The following THOC5 variants were observed in gnomAD, a reference collection of about 807,000 sequenced individuals.
The protein encoded by THOC5 is Fms-interacting protein.
THOC5 carries 43 observed loss-of-function variants against 92.9 expected under a neutral mutation model. The observed-to-expected ratio is 0.46, with a 90% CI of 0.36 to 0.60. The LOEUF (loss-of-function observed/expected upper bound fraction) is 0.60, where lower values mean the gene tolerates loss of function less well. Among genes scored for constraint, THOC5 ranks in the 20% least tolerant of loss-of-function variants. The pLI, the probability that THOC5 is intolerant of heterozygous loss-of-function variation, is 0.00. For missense variants in THOC5, 659 were observed against 849.4 expected, an observed-to-expected ratio of 0.78 and a Z score of 2.79; for synonymous variants, 296 against 320.1, an observed-to-expected ratio of 0.92 and a Z score of 0.80.
intron 14 of THOC5, among the ~76,000 whole-genome samples, chr22:29,519,413 T>A (rs2063395646): frequency 6.6e-6 from 1 of 152,230 alleles, no homozygotes; most frequent in Admixed American, 6.5e-5. Context: ...TATTTGGTAC[T>A]TGCACACAAG....
intron 19 of THOC5, among the ~76,000 whole-genome samples, chr22:29,510,051 T>C (rs1186096903): frequency 6.6e-6 from 1 of 152,246 alleles, no homozygotes. Context: ...AAGGGATGCC[T>C]GAGCAGTGAA....
intron 1 of THOC5, chr22:29,553,344 A>G (rs902523503): frequency 6.5e-6 from 1 of 152,958 alleles, no homozygotes; most frequent in African/African-American, 2.4e-5. Context: ...AGTGTGGGAA[A>G]TCCTGACTTT....
At chr22:29,533,252 T>C (rs1044466320) in intron 7 of THOC5, among the ~76,000 whole-genome samples, 2 of 152,160 alleles carry the variant, frequency 1.3e-5, no homozygotes, top group Non-Finnish European at 2.9e-5. Flanking sequence ...AAGAAATAGG[T>C]TGGAACTGTG....
chr22:29,513,834 T>C (rs1026361351), intron 17 of THOC5: 4 of 152,078 alleles, frequency 2.6e-5, no homozygotes, highest in Admixed American at 2.6e-4. Context: ...CTCATCCCTA[T>C]AAAGAATTAA....
intron 3 of THOC5, among the ~76,000 whole-genome samples, chr22:29,544,036 T>C (rs1213280096): frequency 1.3e-5 from 2 of 152,126 alleles, no homozygotes; most frequent in Non-Finnish European, 2.9e-5. Flanking sequence ...CTATCGAGTT[T>C]TTAGTCACAT....
In THOC5 at chr22:29,542,970, A is replaced by G; in HGVS notation, c.355-14T>C. 1 of 1,601,352 alleles carries G rather than the reference A, an allele frequency of 6.2e-7. No individual in the cohort carries two copies. The highest frequency in any genetic ancestry group is 8.5e-7 in the Non-Finnish European group (1 of 1,170,902). On this transcript the variant is annotated splice_polypyrimidine_tract_variant and intron_variant, in intron 4 of 19. Coordinates refer to ENST00000490103, the MANE Select transcript of THOC5 (RefSeq NM_003678.5). ...TTTCTGCTTAGCCTGAAAGGAAAAT[A>G]CGATCAGAAGTGAGCAGGGCAAGTC...
chr22:29,527,422 A>AAAAC (rs377088283), intron 11 of THOC5, among the ~76,000 whole-genome samples: 4,484 of 152,190 alleles, frequency 0.029, 196 homozygotes, highest in African/African-American at 0.1. Flanking sequence ...CCTATCTCTA[A>AAAAC]AAACAAACAA....
At chr22:29,530,386 G>A (rs2063628635) in intron 8 of THOC5, among the ~76,000 whole-genome samples, 1 of 151,910 alleles carries the variant, frequency 6.6e-6, no homozygotes, top group Admixed American at 6.6e-5. Context: ...AGGCACGGTG[G>A]TGGGTGCCTG....
At chr22:29,544,705 C>A (rs1022086214) in intron 2 of THOC5, 102 bp from the exon 3 acceptor site, 1 of 1,216,960 alleles carries the variant, frequency 8.2e-7, no homozygotes, top group Middle Eastern at 2.1e-4. Context: ...AAAACAGTAA[C>A]AATGAAGCCT....
intron 12 of THOC5, among the ~76,000 whole-genome samples, chr22:29,523,212 G>A (rs5763295): frequency 0.46 from 68,773 of 150,456 alleles, 16,077 homozygotes; most frequent in East Asian, 0.75. Flanking sequence ...ACTGCACTCC[G>A]GCCTGGGCGA....
intron 19 of THOC5, among the ~76,000 whole-genome samples, chr22:29,508,937 A>C (rs1170589743): frequency 6.6e-6 from 1 of 152,086 alleles, no homozygotes; most frequent in East Asian, 1.9e-4. Context: ...CTGGGATTAC[A>C]GGCATGCACC....
chr22:29,513,152 C>A (rs928923162), intron 17 of THOC5, among the ~76,000 whole-genome samples: 3 of 149,258 alleles, frequency 2.0e-5, no homozygotes, highest in African/African-American at 7.4e-5. Flanking sequence ...AGATCGAGAC[C>A]ATCCTGGCTA....
intron 5 of THOC5, among the ~76,000 whole-genome samples, chr22:29,540,867 A>G (rs538818668): frequency 3.9e-5 from 6 of 152,288 alleles, no homozygotes; most frequent in Non-Finnish European, 5.9e-5. Context: ...ACCTCTATTC[A>G]TATTTAACTA....
chr22:29,511,828 A>T (rs2063229696), intron 18 of THOC5, among the ~76,000 whole-genome samples, 193 bp downstream of exon 18: 1 of 152,244 alleles, frequency 6.6e-6, no homozygotes, highest in Non-Finnish European at 1.5e-5. Context: ...GTGGACCCCA[A>T]GGTAGGCAAG....
At chr22:29,542,003 G>C (rs979769887) in intron 5 of THOC5, among the ~76,000 whole-genome samples, 4 of 147,098 alleles carry the variant, frequency 2.7e-5, no homozygotes, top group African/African-American at 7.6e-5. Flanking sequence ...TGCATAAACA[G>C]GTCTGATCAA....
intron 2 of THOC5, among the ~76,000 whole-genome samples, chr22:29,546,614 A>C (rs1328785932): frequency 6.6e-6 from 1 of 150,912 alleles, no homozygotes; most frequent in African/African-American, 2.4e-5. Context: ...TAATTTCTGT[A>C]TTTTTAGTAG....
chr22:29,531,275 T>G, intron 8 of THOC5: 1 of 984,994 alleles, frequency 1.0e-6, no homozygotes. Flanking sequence ...GGGGAGAAAA[T>G]GTAGGTGCTG....
At chr22:29,531,558 A>G in intron 8 of THOC5, 15 of 1,170,768 alleles carry the variant, frequency 1.3e-5, no homozygotes, top group Non-Finnish European at 1.6e-5. Flanking sequence ...GAGCCCAGAC[A>G]GGCTGCCTGG....
In THOC5 at chr22:29,553,235, A is replaced by G. The variant is rs577204390; in HGVS notation, c.-12+436T>C. ...CGAGAAACACCCAAGAATTATCAAT[A>G]AATACTAAAACAAACAAACAAACAA... On this transcript the variant is annotated intron_variant, in intron 1 of 19. Transcript: ENST00000490103. Among the ~76,000 whole-genome samples, 4 of 152,342 alleles carry G rather than the reference A, an allele frequency of 2.6e-5. No homozygotes were observed. In the South Asian group the frequency reaches 8.3e-4, roughly 32 times the overall value.
Sources: gnomAD v4.1 joint callset for allele counts (sites outside exome capture counted in the v4.1 genomes callset) on GRCh38, gnomAD v4.1.1 for gene constraint, MANE v1.5 for transcripts, NCBI Gene and HGNC (gene_info 2026-07-23, HGNC 2026-07-21) for gene names.